TJP1: variants seen among roughly 807,000 people sequenced by gnomAD.
TJP1 encodes tight junction protein 1.
Under a neutral mutation model 194.2 loss-of-function variants are expected in TJP1, and 43 were observed. The ratio of observed to expected loss-of-function variants is 0.22; its 90% CI spans 0.17 to 0.29. The LOEUF (loss-of-function observed/expected upper bound fraction) is 0.29. TJP1 is among the 10% of genes least tolerant of loss of function. TJP1 has a pLI of 1.00. For synonymous variants in TJP1, 801 were observed against 779.0 expected (o/e 1.03, Z -0.47); for missense variants, 1,971 against 2,185.7 (o/e 0.90, Z 1.96).
chr15:29,945,473 A>T (rs1027867505), intron 2 of TJP1, among the ~76,000 whole-genome samples: 2 of 152,186 alleles, frequency 1.3e-5, no homozygotes, highest in African/African-American at 4.8e-5. Flanking sequence ...TTGAGATAAG[A>T]GCTCCTCTAC....
chr15:29,920,778 C>G (rs2054332579), intron 2 of TJP1, among the ~76,000 whole-genome samples: 1 of 152,062 alleles, frequency 6.6e-6, no homozygotes, highest in Admixed American at 6.6e-5. Context: ...GCTCCGTTCC[C>G]GAAGCTGATT....
intron 2 of TJP1, among the ~76,000 whole-genome samples, chr15:29,932,780 G>A (rs1461182114): frequency 6.6e-6 from 1 of 152,056 alleles, no homozygotes; most frequent in Non-Finnish European, 1.5e-5. Flanking sequence ...ATTTTCAAAA[G>A]TATGAAAAGC....
At chr15:29,950,501 C>T (rs2152307078) in intron 2 of TJP1, among the ~76,000 whole-genome samples, 1 of 152,332 alleles carries the variant, frequency 6.6e-6, no homozygotes, top group South Asian at 2.1e-4. Context: ...ACCACTACTT[C>T]TACCACCATA....
At chr15:29,707,256 C>T (rs1232172303) in intron 25 of TJP1, among the ~76,000 whole-genome samples, 3 of 152,302 alleles carry the variant, frequency 2.0e-5, no homozygotes, top group East Asian at 3.9e-4. Context: ...AAAGTAGAGG[C>T]TATCAACTTC....
At chr15:29,848,883 A>C (rs1188096901) in intron 2 of TJP1, among the ~76,000 whole-genome samples, 1 of 152,078 alleles carries the variant, frequency 6.6e-6, no homozygotes, top group Non-Finnish European at 1.5e-5. Context: ...AGAAACTATT[A>C]TCCCAACATA....
chr15:29,729,423 A>G (rs929645162), intron 15 of TJP1: 2 of 152,238 alleles, frequency 1.3e-5, no homozygotes, highest in African/African-American at 4.8e-5. Flanking sequence ...CAGAAAATAA[A>G]TATCCTTATT....
At chr15:29,801,823 AAAG>A (rs1438463398) in intron 1 of TJP1, among the ~76,000 whole-genome samples, 14 of 152,194 alleles carry the variant, frequency 9.2e-5, no homozygotes, top group East Asian at 7.7e-4. Flanking sequence ...GCCACACTTG[AAAG>A]AAGAAGAATT....
chr15:29,965,962 T>A (rs2152326993), intron 1 of TJP1, among the ~76,000 whole-genome samples: 1 of 152,312 alleles, frequency 6.6e-6, no homozygotes, highest in South Asian at 2.1e-4. Flanking sequence ...AGGCCGCCTC[T>A]TAGTAAGATG....
At chr15:29,949,551 C>CCTT (rs2055509430) in intron 2 of TJP1, among the ~76,000 whole-genome samples, 1 of 139,990 alleles carries the variant, frequency 7.1e-6, no homozygotes. Flanking sequence ...ACCACCTCCA[C>CCTT]AACCACCACC....
intron 2 of TJP1, among the ~76,000 whole-genome samples, chr15:29,882,338 A>G (rs1374752878): frequency 6.6e-6 from 1 of 152,212 alleles, no homozygotes; most frequent in Non-Finnish European, 1.5e-5. Context: ...AGCCGACTTT[A>G]AATATGAAAT....
chr15:29,846,479 A>G (rs1034912750), intron 2 of TJP1, among the ~76,000 whole-genome samples: 2 of 152,132 alleles, frequency 1.3e-5, no homozygotes, highest in African/African-American at 4.8e-5. Flanking sequence ...AAGAGAAGGG[A>G]GACCTGGATA....
chr15:29,864,856 T>C (rs1190012241), intron 2 of TJP1, among the ~76,000 whole-genome samples: 1 of 152,206 alleles, frequency 6.6e-6, no homozygotes, highest in African/African-American at 2.4e-5. Flanking sequence ...TGAACATTTG[T>C]ATGCTACTAT....
intron 1 of TJP1, among the ~76,000 whole-genome samples, chr15:29,802,123 T>C (rs1176953835): frequency 6.6e-6 from 1 of 152,128 alleles, no homozygotes; most frequent in Non-Finnish European, 1.5e-5. Context: ...AAAATGTATT[T>C]ACAAGTAAAT....
chr15:29,928,664 C>G (rs1009800161), intron 2 of TJP1, among the ~76,000 whole-genome samples: 2 of 152,078 alleles, frequency 1.3e-5, no homozygotes, highest in Admixed American at 1.3e-4. Context: ...CACTTGTCGG[C>G]CGGGCACGGT....
intron 22 of TJP1, 72 bp downstream of exon 22, chr15:29,717,949 G>A (rs577680993): frequency 1.5e-6 from 2 of 1,316,118 alleles, no homozygotes; most frequent in African/African-American, 3.0e-5. Context: ...CACAGTAAAA[G>A]GTTTTCTTAT....
At chr15:29,830,266 A>T (rs2152043052) in intron 2 of TJP1, among the ~76,000 whole-genome samples, 1 of 151,600 alleles carries the variant, frequency 6.6e-6, no homozygotes, top group African/African-American at 2.4e-5. Context: ...AAACTGTTAC[A>T]TATTCATTAG....
At position 29,708,679 on chromosome 15, in the gene TJP1, G is replaced by C. The variant is rs61736881; in HGVS notation, c.4730C>G (p.Ser1577Trp). ...TPTSPKTLVK[S>W]HSLAQPPEFD... ...CTCAGGAGGCTGTGCCAAACTGTGCGATTTCACAAGAGTTTTTGGAGAAGT... is the reference window on the plus strand; with the variant it reads ...CTCAGGAGGCTGTGCCAAACTGTGCCATTTCACAAGAGTTTTTGGAGAAGT... Residue 1577 changes from serine to tryptophan, a missense_variant, in exon 25 of 28, where the codon TCG becomes TGG. Ser to Trp is a radical substitution (Grantham distance 177). This residue lies in a region of TJP1 where 1,108 missense variants were observed against 1,128.5 expected (regional missense o/e 0.98). Transcript: ENST00000614355. 4 of 1,614,212 alleles carry C rather than the reference G, an allele frequency of 2.5e-6. No individual in the cohort carries two copies. Among genetic ancestry groups the C allele is most frequent in the Non-Finnish European group, 3.4e-6 (4 of 1,180,036 alleles).
At chr15:29,878,804 G>C (rs1342855695) in intron 2 of TJP1, among the ~76,000 whole-genome samples, 1 of 152,070 alleles carries the variant, frequency 6.6e-6, no homozygotes, top group South Asian at 2.1e-4. Context: ...GATGAGTATG[G>C]GAGAAAAAGT....
Position 29,811,434 on chromosome 15 carries a change from T to TG in TJP1, c.27+10567dup, listed in dbSNP as rs1224198878. On this transcript the variant is annotated intron_variant, in intron 1 of 27. Coordinates refer to ENST00000614355, the MANE Select transcript of TJP1 (RefSeq NM_001330239.4). ...AGAGGGAGGATTACTTGGGTGGGGG[T>TG]GGGGGGGTGGTGGGAGGGAGAATGT... is the stretch of plus-strand genomic sequence containing the variant. Among the ~76,000 whole-genome samples the TG allele has an allele frequency of 2.0e-3, 21 of 10,416 alleles. No individual in the cohort carries two copies. In the Middle Eastern group the frequency reaches 0.21, roughly 106 times the overall value. The allele number at this position is 10,416 out of a possible 152,430, so 6.8% of individuals were successfully genotyped here.
Sources: allele counts gnomAD v4.1 joint callset (sites outside exome capture counted in the v4.1 genomes callset), GRCh38; gene constraint gnomAD v4.1.1; regional missense constraint gnomAD v4.1.1; transcripts MANE v1.5; gene names NCBI Gene and HGNC (gene_info 2026-07-23, HGNC 2026-07-21).